Variants in TRAF3 observed in about 807,000 individuals in gnomAD.
TRAF3 encodes TNF receptor associated factor 3.
Under a neutral mutation model 62.3 loss-of-function variants are expected in TRAF3, and 13 were observed. The observed-to-expected ratio is 0.21, with a 90% CI of 0.14 to 0.33. The LOEUF (loss-of-function observed/expected upper bound fraction) is 0.33. Ranked by LOEUF, TRAF3 falls within the 10% of genes least tolerant of loss-of-function variation. The pLI is 1.00. For missense variants in TRAF3, 440 were observed against 741.8 expected (o/e 0.59, Z 4.73); for synonymous variants, 269 against 283.4 (o/e 0.95, Z 0.51).
At chr14:102,880,374 T>TA (rs1427361336) in intron 6 of TRAF3, among the ~76,000 whole-genome samples, 1 of 152,228 alleles carries the variant, frequency 6.6e-6, no homozygotes, top group African/African-American at 2.4e-5. Context: ...CATGCCTAAT[T>TA]AACAAGACTT....
At chr14:102,810,863 A>G (rs1218730654) in intron 1 of TRAF3, 3 of 152,220 alleles carry the variant, frequency 2.0e-5, no homozygotes, top group African/African-American at 7.2e-5. Flanking sequence ...AAACGTAGAA[A>G]AGGTACCCCG....
intron 1 of TRAF3, among the ~76,000 whole-genome samples, chr14:102,779,058 A>C (rs1453242127): frequency 6.6e-6 from 1 of 152,224 alleles, no homozygotes; most frequent in Non-Finnish European, 1.5e-5. Context: ...CGATATGAAA[A>C]CTGGAAAACA....
chr14:102,891,491 G>A, intron 9 of TRAF3, 74 bp downstream of exon 9: 2 of 1,487,066 alleles, frequency 1.3e-6, no homozygotes, highest in Non-Finnish European at 9.1e-7. Context: ...AAACCTTTTT[G>A]TAGTTATTAA....
At chr14:102,802,461 TAAA>T in intron 1 of TRAF3, among the ~76,000 whole-genome samples, 1 of 146,798 alleles carries the variant, frequency 6.8e-6, no homozygotes, top group African/African-American at 2.5e-5. Flanking sequence ...GCCAACTGTT[TAAA>T]GACATTTCAA....
At position 102,796,516 on chromosome 14, in the gene TRAF3, A is replaced by G. The variant is rs181385745; in HGVS notation, c.-157+18841A>G. On this transcript the variant is annotated intron_variant, in intron 1 of 11. Coordinates refer to ENST00000392745, the MANE Select transcript of TRAF3 (RefSeq NM_145725.3). The stretch of plus-strand genomic sequence containing the variant: ...GAAGTTCTAGAGGCCTGGACTTGCG[A>G]CTAGTGTCTGAAGTGGGGATGGGGG... Among the ~76,000 whole-genome samples, 308 of 152,352 alleles carry G rather than the reference A, an allele frequency of 2.0e-3. 2 individuals are homozygous for G. Among genetic ancestry groups the G allele is most frequent in the Non-Finnish European group, 5.0e-4 (34 of 68,028 alleles).
intron 2 of TRAF3, among the ~76,000 whole-genome samples, chr14:102,857,083 G>A (rs1030518532): frequency 6.6e-6 from 1 of 152,190 alleles, no homozygotes; most frequent in Non-Finnish European, 1.5e-5. Flanking sequence ...GGCTTTCCAT[G>A]AACTGGGCAG....
intron 1 of TRAF3, among the ~76,000 whole-genome samples, chr14:102,820,531 T>C (rs1899833714): frequency 7.0e-6 from 1 of 142,596 alleles, no homozygotes; most frequent in Admixed American, 7.2e-5. Context: ...GGTAGGTACC[T>C]TTACATTTTA....
intron 1 of TRAF3, among the ~76,000 whole-genome samples, chr14:102,804,387 C>G (rs934207669): frequency 6.6e-6 from 1 of 152,110 alleles, no homozygotes; most frequent in African/African-American, 2.4e-5. Context: ...ATCAGTATGT[C>G]CCTAGCTTTC....
At chr14:102,850,688 TAAAAAAAAAA>T (rs35096461) in intron 2 of TRAF3, among the ~76,000 whole-genome samples, 1 of 87,518 alleles carries the variant, frequency 1.1e-5, no homozygotes, top group Admixed American at 1.3e-4. Flanking sequence ...AGACTCCGTC[TAAAAAAAAAA>T]AAAAAAAAAA....
At position 102,903,694 on chromosome 14, in the gene TRAF3, A is replaced by G. The variant is rs979181147; in HGVS notation, c.1135+265A>G. 3 of 599,764 alleles carry G rather than the reference A, an allele frequency of 5.0e-6. No individual in the cohort carries two copies. The highest frequency in any genetic ancestry group is 9.3e-6 in the Non-Finnish European group (3 of 322,728). The allele number at this position is 599,764 out of a possible 1,614,324, so 37.2% of individuals were successfully genotyped here. On this transcript the variant is annotated intron_variant, in intron 11 of 11. Coordinates refer to ENST00000392745, the MANE Select transcript of TRAF3 (RefSeq NM_145725.3). The surrounding 1 kb of genome is among the most constrained non-coding windows in gnomAD (Gnocchi z 6.4). ...GGCAGCTGCAGCCACGGGAAGCTGC[A>G]AAGCCCTCCTGGGAGAGACTGGCCG...
rs574716170 is a variant in TRAF3, at chr14:102,814,529, T to C, written c.-156-15805T>C. On this transcript the variant is annotated intron_variant, in intron 1 of 11. Coordinates refer to ENST00000392745, the MANE Select transcript of TRAF3 (RefSeq NM_145725.3). ...CTTTTAATTATCTTGATTTCTTTTT[T>C]TCCCCCCCAAGACAGGGTCTCACTT... 1.5e-4 allele frequency among the ~76,000 whole-genome samples: 23 copies of C among 152,326 alleles called. 1 individual carries two copies. The highest frequency in any genetic ancestry group is 6.2e-4 in the South Asian group (3 of 4,824).
chr14:102,804,518 C>CA (rs1268145069), intron 1 of TRAF3, among the ~76,000 whole-genome samples: 1 of 152,096 alleles, frequency 6.6e-6, no homozygotes, highest in Non-Finnish European at 1.5e-5. Context: ...GTCAGGGTCT[C>CA]ACTCTGTTGC....
intron 1 of TRAF3, among the ~76,000 whole-genome samples, chr14:102,783,601 T>G (rs916984228): frequency 3.6e-4 from 55 of 152,352 alleles, no homozygotes; most frequent in African/African-American, 1.3e-3. Flanking sequence ...ATGTGAATTT[T>G]ACATTGTACT....
intron 2 of TRAF3, among the ~76,000 whole-genome samples, chr14:102,844,942 G>C (rs964557253): frequency 1.3e-5 from 2 of 152,098 alleles, no homozygotes; most frequent in African/African-American, 4.8e-5. Context: ...CTGTTGCCCA[G>C]ACTGGAGTGC....
intron 10 of TRAF3, among the ~76,000 whole-genome samples, chr14:102,899,864 A>C (rs1890189361): frequency 6.6e-6 from 1 of 151,952 alleles, no homozygotes; most frequent in Admixed American, 6.6e-5. Flanking sequence ...TTACTTCTTA[A>C]ATATCCTGTT....
At chr14:102,807,001 G>T (rs1284492358) in intron 1 of TRAF3, among the ~76,000 whole-genome samples, 1 of 152,106 alleles carries the variant, frequency 6.6e-6, no homozygotes, top group Non-Finnish European at 1.5e-5. Context: ...ACAATCTGTC[G>T]TTGGTGCTCA....
chr14:102,853,795 G>A (rs897508329), intron 2 of TRAF3, among the ~76,000 whole-genome samples: 33 of 151,186 alleles, frequency 2.2e-4, no homozygotes, highest in African/African-American at 6.8e-4. Flanking sequence ...CCGAGATTGC[G>A]GCACTGTACT....
At chr14:102,898,694 T>A (rs1473017170) in intron 10 of TRAF3, among the ~76,000 whole-genome samples, 2 of 152,260 alleles carry the variant, frequency 1.3e-5, no homozygotes, top group African/African-American at 2.4e-5. Flanking sequence ...TACACAGTGA[T>A]GTACCAACGC....
intron 2 of TRAF3, chr14:102,866,079 C>T (rs186181556): frequency 8.5e-5 from 13 of 152,278 alleles, no homozygotes; most frequent in Admixed American, 2.6e-4. Flanking sequence ...ACATATACAC[C>T]GTGGAATACT....
Sources: allele counts gnomAD v4.1 joint callset (sites outside exome capture counted in the v4.1 genomes callset), GRCh38; gene constraint gnomAD v4.1.1; non-coding constraint Gnocchi (gnomAD v3.1); transcripts MANE v1.5; gene names NCBI Gene and HGNC (gene_info 2026-07-23, HGNC 2026-07-21).